GUCY1A2: variants seen among roughly 807,000 people sequenced by gnomAD.
GUCY1A2 encodes the protein guanylate cyclase 1 soluble subunit alpha 2, also known as guanylate cyclase soluble subunit alpha-2.
A neutral mutation model predicts 63.5 loss-of-function variants in GUCY1A2; 27 were observed. The observed-to-expected ratio is 0.43, with a 90% confidence interval of 0.31 to 0.59. The LOEUF is 0.59. Ranked by LOEUF, GUCY1A2 falls within the 20% of genes least tolerant of loss-of-function variation. The pLI is 0.11. For missense variants in GUCY1A2, 768 were observed against 913.3 expected, an observed-to-expected ratio of 0.84 and a Z score of 2.05; for synonymous variants, 364 against 343.5, an observed-to-expected ratio of 1.06 and a Z score of -0.66.
Position 106,684,239 on chromosome 11 carries a change from C to T in GUCY1A2, c.*3310G>A, listed in dbSNP as rs1862482629. ...AGGCATCAATGTCTGTCTCAGAGTC[C>T]CAGATCAAAGCTCACTTGATTCCAC... On this transcript the variant is annotated 3_prime_UTR_variant, in exon 8 of 8. Transcript: ENST00000526355. 1 of 183,860 alleles carries T rather than the reference C, an allele frequency of 5.4e-6. No individual in the cohort carries two copies. Among genetic ancestry groups the T allele is most frequent in the Non-Finnish European group, 1.2e-5 (1 of 86,672 alleles). The allele number at this position is 183,860 out of a possible 1,614,324, so 11.4% of individuals were successfully genotyped here.
rs114298233 is a variant in GUCY1A2 at position 106,911,765 on chromosome 11, C to G, written c.1206+27695G>C. Among the ~76,000 whole-genome samples the G allele has an allele frequency of 2.8e-3, 427 of 152,058 alleles. 1 individual carries two copies. The highest frequency in any genetic ancestry group is 9.7e-3 in the African/African-American group (402 of 41,536). Reference sequence around the variant, plus strand: ...ATGCTTTTTAAAGTCCTTTTTAAAGCAAACTATTGAAAACTATACATAAAT... The same window carrying G: ...ATGCTTTTTAAAGTCCTTTTTAAAGGAAACTATTGAAAACTATACATAAAT... On this transcript the variant is annotated intron_variant, in intron 4 of 7. Transcript: ENST00000526355.
chr11:106,735,618 T>A (rs1261806774), intron 6 of GUCY1A2, among the ~76,000 whole-genome samples: 1 of 152,180 alleles, frequency 6.6e-6, no homozygotes, highest in African/African-American at 2.4e-5. Flanking sequence ...CTCTTCAATA[T>A]ACTGATTTCC....
chr11:106,942,961 T>C (rs1272845325), intron 3 of GUCY1A2, among the ~76,000 whole-genome samples: 1 of 152,218 alleles, frequency 6.6e-6, no homozygotes, highest in Non-Finnish European at 1.5e-5. Context: ...ATGAATTTTT[T>C]TGAATATTAC....
At chr11:106,798,773 TAAG>T (rs1250516843) in intron 5 of GUCY1A2, among the ~76,000 whole-genome samples, 2 of 152,038 alleles carry the variant, frequency 1.3e-5, no homozygotes, top group African/African-American at 4.8e-5. Flanking sequence ...CTCAAAATAA[TAAG>T]AGCTATTTAT....
At chr11:107,015,759 T>G (rs1037626272) in intron 1 of GUCY1A2, among the ~76,000 whole-genome samples, 2 of 152,128 alleles carry the variant, frequency 1.3e-5, no homozygotes, top group Non-Finnish European at 2.9e-5. Context: ...ATTGGACTCC[T>G]GTTGTAAATA....
At chr11:106,876,949 G>A (rs1158737302) in intron 4 of GUCY1A2, among the ~76,000 whole-genome samples, 1 of 152,052 alleles carries the variant, frequency 6.6e-6, no homozygotes, top group Non-Finnish European at 1.5e-5. Context: ...CAAAGATCTT[G>A]AGATGGAGCA....
intron 1 of GUCY1A2, among the ~76,000 whole-genome samples, chr11:107,000,206 A>C (rs540878301): frequency 6.6e-6 from 1 of 152,344 alleles, no homozygotes; most frequent in South Asian, 2.1e-4. Flanking sequence ...AATGGCAATA[A>C]GTTAACACAG....
At chr11:106,746,709 AT>A (rs1200710108) in intron 6 of GUCY1A2, 4 of 847,220 alleles carry the variant, frequency 4.7e-6, no homozygotes, top group African/African-American at 1.7e-5. Context: ...GTACTGTGAC[AT>A]TTTTTATTTG....
At chr11:106,896,079 T>A (rs1860044998) in intron 4 of GUCY1A2, among the ~76,000 whole-genome samples, 1 of 150,896 alleles carries the variant, frequency 6.6e-6, no homozygotes, top group Non-Finnish European at 1.5e-5. Context: ...ACGTATATAT[T>A]CACAAATCAA....
At chr11:106,882,556 G>T (rs1299110894) in intron 4 of GUCY1A2, among the ~76,000 whole-genome samples, 2 of 151,922 alleles carry the variant, frequency 1.3e-5, no homozygotes, top group Non-Finnish European at 2.9e-5. Flanking sequence ...TGTATTAGAA[G>T]ATTTAAAATG....
intron 6 of GUCY1A2, among the ~76,000 whole-genome samples, chr11:106,769,924 A>T (rs1591269036): frequency 6.6e-6 from 1 of 152,262 alleles, no homozygotes; most frequent in African/African-American, 2.4e-5. Flanking sequence ...AATAATTATC[A>T]AAGAATCTTA....
intron 6 of GUCY1A2, among the ~76,000 whole-genome samples, chr11:106,732,275 G>C (rs867335556): frequency 2.6e-5 from 4 of 152,222 alleles, no homozygotes; most frequent in African/African-American, 4.8e-5. Flanking sequence ...AAGCAATAGA[G>C]AAAGGACTCC....
chr11:106,807,234 C>T (rs894872946), intron 5 of GUCY1A2, among the ~76,000 whole-genome samples: 5 of 152,094 alleles, frequency 3.3e-5, no homozygotes, highest in Admixed American at 1.3e-4. Context: ...AATTCTACCA[C>T]CTCTGGGATT....
In GUCY1A2 at chr11:106,916,206, C is replaced by T. The variant is rs928140804; in HGVS notation, c.1206+23254G>A. Among the ~76,000 whole-genome samples the T allele has an allele frequency of 3.4e-5, 5 of 145,614 alleles. 1 individual carries two copies. Among genetic ancestry groups the T allele is most frequent in the Non-Finnish European group, 7.7e-5 (5 of 64,824 alleles). On this transcript the variant is annotated intron_variant, in intron 4 of 7. Transcript: ENST00000526355. Reference sequence around the variant, plus strand: ...ACTTTTTGGTTAAATAGTAAGACTACTTTGAGAATCATAAATGACAACAGC... The same window carrying T: ...ACTTTTTGGTTAAATAGTAAGACTATTTTGAGAATCATAAATGACAACAGC...
At chr11:106,688,060 G>C (rs1247681401) in intron 7 of GUCY1A2, among the ~76,000 whole-genome samples, 1 of 152,030 alleles carries the variant, frequency 6.6e-6, no homozygotes, top group Non-Finnish European at 1.5e-5. Flanking sequence ...AAATGTTATT[G>C]TTTTCCCTAA....
chr11:107,007,122 T>C (rs948350976), intron 1 of GUCY1A2, among the ~76,000 whole-genome samples: 1 of 151,174 alleles, frequency 6.6e-6, no homozygotes, highest in Middle Eastern at 3.4e-3. Context: ...ATTGGAACCA[T>C]AAAAAAAAAT....
At chr11:106,961,544 C>T (rs775060189) in intron 3 of GUCY1A2, among the ~76,000 whole-genome samples, 10 of 152,000 alleles carry the variant, frequency 6.6e-5, no homozygotes, top group South Asian at 2.1e-4. Context: ...AAAGGTCAAC[C>T]GAATCTAGTA....
chr11:106,996,156 G>A (rs1199862354), intron 1 of GUCY1A2, among the ~76,000 whole-genome samples: 1 of 152,156 alleles, frequency 6.6e-6, no homozygotes, highest in East Asian at 1.9e-4. Flanking sequence ...GGCAAAGTAG[G>A]CCATTGAGCA....
intron 5 of GUCY1A2, among the ~76,000 whole-genome samples, chr11:106,800,097 CA>C (rs1864846201): frequency 6.6e-6 from 1 of 152,130 alleles, no homozygotes; most frequent in Non-Finnish European, 1.5e-5. Flanking sequence ...AGACACTTCT[CA>C]AAAGAAGACA....
Sources: allele counts gnomAD v4.1 joint callset (sites outside exome capture counted in the v4.1 genomes callset), GRCh38; gene constraint gnomAD v4.1.1; transcripts MANE v1.5; gene names NCBI Gene and HGNC (gene_info 2026-07-23, HGNC 2026-07-21).